Variants in RNF216 observed in about 807,000 individuals in gnomAD.
RNF216 encodes the protein E3 ubiquitin-protein ligase RNF216.
In RNF216, 72 loss-of-function variants were observed where a neutral mutation model predicts 110.8. The observed-to-expected ratio is 0.65, with a 90% CI of 0.54 to 0.79. The LOEUF is 0.79. Among genes scored for constraint, RNF216 ranks in the 30% least tolerant of loss-of-function variants. The pLI is 0.00. For missense variants in RNF216, 1,342 were observed against 1,141.2 expected (o/e 1.18, Z -2.54); for synonymous variants, 495 against 407.5 (o/e 1.21, Z -2.59).
chr7:5,711,704 G>T, intron 13 of RNF216, 57 bp downstream of exon 13: 2 of 1,419,296 alleles, frequency 1.4e-6, no homozygotes, highest in East Asian at 2.3e-5. Flanking sequence ...TGGGCCATGA[G>T]GGCAGCCCAT....
At chr7:5,770,018 C>G (rs1796409734) in intron 1 of RNF216, among the ~76,000 whole-genome samples, 1 of 80,746 alleles carries the variant, frequency 1.2e-5, no homozygotes. Context: ...AGAGTGAGAC[C>G]CATCTCAAAA....
At chr7:5,640,819 T>TC (rs1353353443) in intron 15 of RNF216, among the ~76,000 whole-genome samples, 4 of 152,250 alleles carry the variant, frequency 2.6e-5, no homozygotes. Context: ...TAGGGCTATC[T>TC]CCGTCAGGCT....
chr7:5,768,751 T>C (rs1796339605), intron 1 of RNF216, among the ~76,000 whole-genome samples: 1 of 149,858 alleles, frequency 6.7e-6, no homozygotes, highest in Non-Finnish European at 1.5e-5. Flanking sequence ...AAGCTCCGCC[T>C]CCCGGGTTTA....
At chr7:5,695,682 C>G (rs780417500) in intron 13 of RNF216, among the ~76,000 whole-genome samples, 18 of 152,328 alleles carry the variant, frequency 1.2e-4, no homozygotes, top group Non-Finnish European at 2.4e-4. Context: ...TTGGCAGCCA[C>G]AGAATAGTGT....
chr7:5,705,571 A>G (rs772077768), intron 13 of RNF216, among the ~76,000 whole-genome samples: 1 of 152,112 alleles, frequency 6.6e-6, no homozygotes, highest in Non-Finnish European at 1.5e-5. Context: ...CATGCTGCAC[A>G]TCCCTCTTGG....
In RNF216 at chr7:5,696,521, A is replaced by C. The variant is rs1791639700; in HGVS notation, c.2061+15240T>G. On this transcript the variant is annotated intron_variant, in intron 13 of 16. Coordinates refer to ENST00000389902, the MANE Select transcript of RNF216 (RefSeq NM_207111.4). The surrounding 1 kb of genome is among the most constrained non-coding windows in gnomAD (Gnocchi z 5.4). ...GATCTACTCCAGGGCACCCACACAC[A>C]CCACAGGAAGGAGGAGCAGGCCGGG... 6.6e-6 allele frequency among the ~76,000 whole-genome samples: 1 copy of C among 152,152 alleles called. No individual in the cohort carries two copies. Among genetic ancestry groups the C allele is most frequent in the Admixed American group, 6.5e-5 (1 of 15,272 alleles).
intron 3 of RNF216, among the ~76,000 whole-genome samples, chr7:5,746,935 C>T (rs926714941): frequency 6.6e-6 from 1 of 152,112 alleles, no homozygotes; most frequent in Non-Finnish European, 1.5e-5. Context: ...CTCAAAGAGA[C>T]AACAGAATTC....
intron 13 of RNF216, 78 bp from the exon 14 acceptor site, chr7:5,652,588 T>C (rs768594731): frequency 1.5e-4 from 138 of 909,212 alleles, no homozygotes; most frequent in Non-Finnish European, 2.4e-4. Flanking sequence ...AAAAGGGATA[T>C]GAAATGAGCT....
intron 13 of RNF216, among the ~76,000 whole-genome samples, chr7:5,711,412 G>A (rs1466907934): frequency 6.6e-6 from 1 of 152,186 alleles, no homozygotes; most frequent in East Asian, 1.9e-4. Context: ...GGGAGGGGTA[G>A]CAGGGGCTAT....
chr7:5,722,246 T>G (rs1412559237), intron 8 of RNF216, among the ~76,000 whole-genome samples: 3 of 151,968 alleles, frequency 2.0e-5, no homozygotes, highest in African/African-American at 7.3e-5. Flanking sequence ...TCTAGAAAAC[T>G]TTATCTCATT....
chr7:5,724,508 C>T (rs1433121125), intron 8 of RNF216, among the ~76,000 whole-genome samples: 3 of 152,204 alleles, frequency 2.0e-5, no homozygotes, highest in Admixed American at 2.0e-4. Flanking sequence ...TGCACACTGT[C>T]CCTAGTTCTA....
intron 10 of RNF216, 125 bp from the exon 11 acceptor site, chr7:5,715,315 G>C (rs1050252047): frequency 5.2e-5 from 44 of 843,170 alleles, no homozygotes; most frequent in Middle Eastern, 3.6e-4. Flanking sequence ...CCATTTTAGG[G>C]GCCATAAAAC....
At chr7:5,711,675 C>G (rs1792700094) in intron 13 of RNF216, 86 bp downstream of exon 13, 1 of 1,006,482 alleles carries the variant, frequency 9.9e-7, no homozygotes, top group South Asian at 1.4e-5. Flanking sequence ...CATCAGCAGT[C>G]AGGTAAACAG....
At chr7:5,720,544 G>T (rs917726471) in intron 9 of RNF216, among the ~76,000 whole-genome samples, 1 of 152,114 alleles carries the variant, frequency 6.6e-6, no homozygotes, top group African/African-American at 2.4e-5. Context: ...CAGCTGCACA[G>T]GGGGAAGCAC....
intron 5 of RNF216, among the ~76,000 whole-genome samples, chr7:5,731,615 G>C (rs1234354214): frequency 2.0e-5 from 3 of 151,360 alleles, no homozygotes; most frequent in African/African-American, 7.4e-5. Flanking sequence ...GAGTGGGTGG[G>C]GTACAGCTCT....
At chr7:5,732,868 A>G (rs1057047276) in intron 5 of RNF216, 6 of 152,186 alleles carry the variant, frequency 3.9e-5, no homozygotes, top group African/African-American at 1.4e-4. Flanking sequence ...CCAGGCTAGT[A>G]CTCCAACCTT....
Position 5,622,239 on chromosome 7 carries a change from A to C in RNF216, c.*621T>G, listed in dbSNP as rs1786412711. On this transcript the variant is annotated 3_prime_UTR_variant, in exon 17 of 17. Transcript: ENST00000389902. The stretch of plus-strand genomic sequence containing the variant: ...TGAGAAAGTTAGGCGGCAACAGAAC[A>C]AAACCCCCGCCGCGAGATGGGTCTG... 2 of 152,492 alleles carry C rather than the reference A, an allele frequency of 1.3e-5. No individual in the cohort carries two copies. Among genetic ancestry groups the C allele is most frequent in the Admixed American group, 1.3e-4 (2 of 15,294 alleles). The allele number at this position is 152,492 out of a possible 1,614,324, so 9.4% of individuals were successfully genotyped here.
intron 1 of RNF216, among the ~76,000 whole-genome samples, chr7:5,771,290 G>C (rs1028462043): frequency 6.6e-6 from 1 of 151,970 alleles, no homozygotes. Flanking sequence ...TAAACAGAAA[G>C]GTAAAATAAG....
intron 1 of RNF216, among the ~76,000 whole-genome samples, chr7:5,762,246 G>A (rs966522296): frequency 6.6e-6 from 1 of 152,140 alleles, no homozygotes; most frequent in Non-Finnish European, 1.5e-5. Context: ...AATACAGCCA[G>A]GCGTGGTGGC....
Sources: gnomAD v4.1 joint callset for allele counts (sites outside exome capture counted in the v4.1 genomes callset) on GRCh38, gnomAD v4.1.1 for gene constraint, Gnocchi (gnomAD v3.1) non-coding constraint, MANE v1.5 for transcripts, NCBI Gene and HGNC (gene_info 2026-07-23, HGNC 2026-07-21) for gene names.